PDGFRB: variants seen among roughly 807,000 people sequenced by gnomAD.
PDGFRB encodes the protein platelet-derived growth factor receptor beta.
In PDGFRB, 42 loss-of-function variants were observed where a neutral mutation model predicts 120.2. The ratio of observed to expected loss-of-function variants is 0.35; its 90% confidence interval spans 0.27 to 0.45. The LOEUF is 0.45. Among genes scored for constraint, PDGFRB ranks in the 20% least tolerant of loss-of-function variants. PDGFRB has a pLI of 1.00. For synonymous variants in PDGFRB, 586 were observed against 606.8 expected (o/e 0.97, Z 0.50); for missense variants, 1,149 against 1,476.3 (o/e 0.78, Z 3.63).
At position 150,120,192 on chromosome 5, in the gene PDGFRB, G is replaced by A. The variant is rs568433911; in HGVS notation, c.2587-69C>T. 2.1e-5 allele frequency: 16 copies of A among 769,354 alleles called. No individual in the cohort carries two copies. The highest frequency in any genetic ancestry group is 1.9e-4 in the African/African-American group (11 of 59,032). The allele number at this position is 769,354 out of a possible 1,614,324, so 47.7% of individuals were successfully genotyped here. ...CAGCCCCACTCTGCACCTGGGATGG[G>A]AGGAGGGTATCTGGCAGCTCCCACC... On this transcript the variant is annotated intron_variant, in intron 18 of 22. Coordinates refer to ENST00000261799, the MANE Select transcript of PDGFRB (RefSeq NM_002609.4). The surrounding 1 kb of genome is among the most constrained non-coding windows in gnomAD (Gnocchi z 4.3).
chr5:150,116,787 C>T (rs997615653), intron 22 of PDGFRB, among the ~76,000 whole-genome samples: 2 of 152,138 alleles, frequency 1.3e-5, no homozygotes, highest in East Asian at 3.9e-4. Context: ...GGATGGTTGG[C>T]CTCTTCAACA....
chr5:150,142,257 G>A (rs897634466), intron 1 of PDGFRB, among the ~76,000 whole-genome samples: 2 of 152,170 alleles, frequency 1.3e-5, no homozygotes, highest in Non-Finnish European at 2.9e-5. Context: ...ACCTGGCTGC[G>A]CAGCTCCCCG....
chr5:150,126,685 T>A (rs1760304651), intron 10 of PDGFRB, 71 bp from the exon 11 acceptor site: 16 of 815,930 alleles, frequency 2.0e-5, no homozygotes, highest in Non-Finnish European at 3.5e-5. Context: ...ATCTTTGGCA[T>A]CATAGATCCC....
At chr5:150,119,872 G>A in intron 19 of PDGFRB, 140 bp downstream of exon 19, 1 of 660,200 alleles carries the variant, frequency 1.5e-6, no homozygotes, top group Admixed American at 2.4e-5. Context: ...CACACAGCAG[G>A]GAGAAGGTAG....
intron 1 of PDGFRB, among the ~76,000 whole-genome samples, chr5:150,137,857 G>C (rs928812378): frequency 6.6e-6 from 1 of 152,224 alleles, no homozygotes; most frequent in Admixed American, 6.5e-5. Context: ...GAGACAGAGA[G>C]AAAGAGACCT....
chr5:150,148,103 G>C (rs1760974450), intron 1 of PDGFRB, among the ~76,000 whole-genome samples: 1 of 152,206 alleles, frequency 6.6e-6, no homozygotes, highest in Non-Finnish European at 1.5e-5. Flanking sequence ...TCAGTGTCCT[G>C]AGGCTCAGTG....
At chr5:150,126,706 T>A (rs1760305123) in intron 10 of PDGFRB, 92 bp from the exon 11 acceptor site, 2 of 751,496 alleles carry the variant, frequency 2.7e-6, no homozygotes, top group African/African-American at 1.7e-5. Context: ...TCCGTACACA[T>A]CCTGTCCAGA....
intron 1 of PDGFRB, chr5:150,137,542 G>C (rs1268533912): frequency 6.4e-6 from 1 of 156,936 alleles, no homozygotes; most frequent in African/African-American, 2.4e-5. Context: ...AGCTCCACAA[G>C]CACAACAGGA....
intron 6 of PDGFRB, among the ~76,000 whole-genome samples, chr5:150,133,352 A>G (rs922626938): frequency 2.0e-5 from 3 of 152,060 alleles, no homozygotes; most frequent in African/African-American, 7.2e-5. Flanking sequence ...CTGACACTAC[A>G]TTTTGGTTTG....
intron 12 of PDGFRB, 62 bp from the exon 13 acceptor site, chr5:150,124,893 G>GCCCCCCCCCCCCCCCCCCCCCCA: frequency 1.3e-6 from 1 of 752,558 alleles, no homozygotes; most frequent in South Asian, 1.7e-5. Context: ...TCCCCCAGCT[G>GCCCCCCCCCCCCCCCCCCCCCCA]CCCCCCTCCC....
Position 150,115,802 on chromosome 5 carries a change from G to T in PDGFRB, c.3282C>A (p.Cys1094Ter), listed in dbSNP as rs367604639. The change falls in exon 23 of 23, where the codon TGC becomes TGA. Residue 1094 changes from cysteine to a stop codon, truncating the protein, a stop_gained. Transcript: ENST00000261799. LOFTEE classifies it high-confidence loss of function. ...CCTCTGCTTCCGCCCGAGGCGCAGG[G>T]CACCCCGAATCCGGCAACTGTTCCA... Reference protein sequence around the residue: ...PELEQLPDSGCPAPRAEAEDS... With the variant: ...PELEQLPDSG 3.0e-5 allele frequency: 49 copies of T among 1,611,914 alleles called. No homozygotes were observed. Among genetic ancestry groups the T allele is most frequent in the Non-Finnish European group, 4.2e-5 (49 of 1,179,178 alleles).
intron 14 of PDGFRB, among the ~76,000 whole-genome samples, chr5:150,123,800 AT>A (rs1199341999): frequency 5.9e-5 from 9 of 152,032 alleles, no homozygotes; most frequent in African/African-American, 4.8e-5. Context: ...TGGTGATAAC[AT>A]TTTTTTTCAG....
chr5:150,146,023 C>T (rs1233967649), intron 1 of PDGFRB, among the ~76,000 whole-genome samples: 3 of 152,174 alleles, frequency 2.0e-5, no homozygotes, highest in Non-Finnish European at 4.4e-5. Context: ...CTCCATTTTT[C>T]ACAGAGCCCT....
chr5:150,116,682 C>G (rs891706767), intron 22 of PDGFRB, among the ~76,000 whole-genome samples: 3 of 151,870 alleles, frequency 2.0e-5, no homozygotes, highest in Admixed American at 6.6e-5. Context: ...GACAGTGAAG[C>G]AGCTTGTCTG....
rs771835513 is a variant in PDGFRB at position 150,125,477 on chromosome 5, G to T, written c.1775C>A (p.Thr592Lys). 1 of 1,613,136 alleles carries T rather than the reference G, an allele frequency of 6.2e-7. No homozygotes were observed. The highest frequency in any genetic ancestry group is 8.5e-7 in the Non-Finnish European group (1 of 1,179,272). Residue 592 changes from threonine to lysine, a missense_variant, in exon 12 of 23, where the codon ACG (threonine) becomes AAG (lysine). This residue lies in a region of PDGFRB where 879 missense variants were observed against 1,108.6 expected (regional missense o/e 0.79). Coordinates refer to ENST00000261799, the MANE Select transcript of PDGFRB (RefSeq NM_002609.4). ...VDPMQLPYDS[T>K]WELPRDQLVL... ...AAGCTGGTCCCGCGGCAGCTCCCAC[G>T]TGGAGTCATAGGGCAGCTGCATGGG...
rs754790326 is a variant in PDGFRB at position 150,132,787 on chromosome 5, C to T, written c.1090G>A (p.Glu364Lys). Residue 364 changes from glutamate (E) to lysine (K), a missense_variant, in exon 7 of 23, where the codon GAA becomes AAA. This residue lies in a region of PDGFRB where 879 missense variants were observed against 1,108.6 expected (regional missense o/e 0.79). Coordinates refer to ENST00000261799, the MANE Select transcript of PDGFRB (RefSeq NM_002609.4). This position sits in a 1 kb window ranked among gnomAD's most constrained non-coding sequence, Gnocchi z 5.0. ...ACGTTGCGCGTGGACAGGGCGATTT[C>T]GCCAGCGCTGGAGTCGCCCAGGGTG... ...NRTLGDSSAG[E>K]IALSTRNVSE... 15 of 1,612,962 alleles carry T rather than the reference C, an allele frequency of 9.3e-6. 1 individual carries two copies. The South Asian group carries it at 9.9e-5, about 11-fold the overall frequency.
rs1327610777 is a variant in PDGFRB, at chr5:150,132,845, T to C, written c.1032A>G (p.Pro344=). The change falls in exon 7 of 23, where the codon CCA becomes CCG. Residue 344 remains proline, a synonymous_variant. Transcript: ENST00000261799. The surrounding 1 kb of genome is among the most constrained non-coding windows in gnomAD (Gnocchi z 5.0). ...RTLQVVFEAY[P]PPTVLWFKDN... ...CTTTGAACCACAGGACAGTGGGCGG[T>C]GGGTAGGCCTCGAACACTACCTGCA... 1.2e-6 allele frequency: 2 copies of C among 1,609,742 alleles called. No homozygotes were observed. Among genetic ancestry groups the C allele is most frequent in the Admixed American group, 1.7e-5 (1 of 59,474 alleles).
rs1357872065 is a variant in PDGFRB at position 150,120,413 on chromosome 5, G to T, written c.2587-290C>A. On this transcript the variant is annotated intron_variant, in intron 18 of 22. Coordinates refer to ENST00000261799, the MANE Select transcript of PDGFRB (RefSeq NM_002609.4). This position sits in a 1 kb window ranked among gnomAD's most constrained non-coding sequence, Gnocchi z 4.3. ...GTGTGGGAGCCAGGGACTTGTCAAG[G>T]CACCCCCCAAGCTCTTATCCTGGCT... Among the ~76,000 whole-genome samples, 1 of 152,164 alleles carries T rather than the reference G, an allele frequency of 6.6e-6. No homozygotes were observed. Among genetic ancestry groups the T allele is most frequent in the Non-Finnish European group, 1.5e-5 (1 of 68,024 alleles).
At position 150,117,502 on chromosome 5, in the gene PDGFRB, A is replaced by G. The variant is rs541290817; in HGVS notation, c.3137+116T>C. 6.2e-6 allele frequency: 4 copies of G among 640,094 alleles called. No homozygotes were observed. In the South Asian group the frequency reaches 7.7e-5, roughly 12 times the overall value. 39.7% of individuals were successfully genotyped at this position (640,094 alleles called of 1,614,324 possible). ...GTAGGGATAAGTACTTACCCTACGT[A>G]ACTTACCTCTGAGGCAAACCTGGCA... On this transcript the variant is annotated intron_variant, in intron 22 of 22. Coordinates refer to ENST00000261799, the MANE Select transcript of PDGFRB (RefSeq NM_002609.4).
Sources: gnomAD v4.1 joint callset for allele counts (sites outside exome capture counted in the v4.1 genomes callset) on GRCh38, gnomAD v4.1.1 for gene constraint, gnomAD v4.1.1 regional missense constraint, Gnocchi (gnomAD v3.1) non-coding constraint, MANE v1.5 for transcripts, NCBI Gene and HGNC (gene_info 2026-07-23, HGNC 2026-07-21) for gene names.